The following SLC9C1 variants were observed in gnomAD, a reference collection of about 807,000 sequenced individuals.
The protein encoded by SLC9C1 is sodium/hydrogen exchanger 10.
SLC9C1 carries 97 observed loss-of-function variants against 140.9 expected under a neutral mutation model. That is an observed-to-expected ratio of 0.69 (90% CI 0.58 to 0.82). The LOEUF (loss-of-function observed/expected upper bound fraction) is 0.82. Ranked by LOEUF, SLC9C1 falls within the 40% of genes least tolerant of loss-of-function variation. The pLI is 0.00. For synonymous variants in SLC9C1, 440 were observed against 442.6 expected, an observed-to-expected ratio of 0.99 and a Z score of 0.07; for missense variants, 1,340 against 1,389.3, an observed-to-expected ratio of 0.96 and a Z score of 0.56.
intron 10 of SLC9C1, among the ~76,000 whole-genome samples, chr3:112,253,574 T>G (rs1220888820): frequency 6.6e-6 from 1 of 152,154 alleles, no homozygotes; most frequent in Non-Finnish European, 1.5e-5. Flanking sequence ...AAATAAAGAC[T>G]CTGCAGAAAG....
chr3:112,253,322 C>T (rs556085863), intron 10 of SLC9C1, among the ~76,000 whole-genome samples: 3 of 152,208 alleles, frequency 2.0e-5, no homozygotes, highest in African/African-American at 7.2e-5. Context: ...CCTTGGAGTG[C>T]CAATTTGTGA....
At chr3:112,151,686 G>A (rs1161278662) in intron 28 of SLC9C1, among the ~76,000 whole-genome samples, 171 bp downstream of exon 28, 4 of 152,230 alleles carry the variant, frequency 2.6e-5, no homozygotes, top group Admixed American at 2.6e-4. Context: ...TTATTTTGAA[G>A]TTAATTCTCT....
At chr3:112,166,842 G>T (rs778101141) in intron 26 of SLC9C1, among the ~76,000 whole-genome samples, 4 of 152,060 alleles carry the variant, frequency 2.6e-5, no homozygotes, top group Admixed American at 2.6e-4. Flanking sequence ...TCTGTAAGAA[G>T]AATAGGCTTT....
intron 12 of SLC9C1, among the ~76,000 whole-genome samples, chr3:112,237,373 T>A (rs1315613142): frequency 6.6e-6 from 1 of 152,192 alleles, no homozygotes; most frequent in East Asian, 1.9e-4. Flanking sequence ...ATGGGTTTCC[T>A]GAATACAGCA....
intron 23 of SLC9C1, among the ~76,000 whole-genome samples, chr3:112,176,723 C>T (rs573905846): frequency 6.6e-6 from 1 of 152,256 alleles, no homozygotes; most frequent in East Asian, 1.9e-4. Context: ...CTTGTATAGG[C>T]TGGGTTTTAC....
chr3:112,188,221 T>C (rs1476060842), intron 20 of SLC9C1, among the ~76,000 whole-genome samples: 1 of 152,142 alleles, frequency 6.6e-6, no homozygotes, highest in Non-Finnish European at 1.5e-5. Context: ...AAGGTATGCA[T>C]TTTTAAAGTT....
chr3:112,164,980 C>CT (rs2077091349), intron 26 of SLC9C1, among the ~76,000 whole-genome samples: 3 of 152,228 alleles, frequency 2.0e-5, no homozygotes, highest in African/African-American at 7.2e-5. Context: ...TCTTTTTATT[C>CT]TTTTTTCTCT....
chr3:112,201,453 G>A (rs1351622806), intron 18 of SLC9C1, among the ~76,000 whole-genome samples: 1 of 151,996 alleles, frequency 6.6e-6, no homozygotes, highest in Non-Finnish European at 1.5e-5. Context: ...ACTACTTTTT[G>A]TGTTCTACCA....
chr3:112,288,109 T>C (rs28497078), intron 1 of SLC9C1, among the ~76,000 whole-genome samples: 1,599 of 151,078 alleles, frequency 0.011, 30 homozygotes, highest in African/African-American at 0.036. Context: ...CCTGGCAAAT[T>C]TTTTTTTCAG....
chr3:112,206,410 G>T (rs1193798206), intron 16 of SLC9C1, among the ~76,000 whole-genome samples: 1 of 152,120 alleles, frequency 6.6e-6, no homozygotes, highest in Non-Finnish European at 1.5e-5. Context: ...GTAGAAACTA[G>T]TTCAACCATT....
chr3:112,209,363 C>T (rs1489520307), intron 15 of SLC9C1, among the ~76,000 whole-genome samples: 2 of 152,176 alleles, frequency 1.3e-5, no homozygotes, highest in East Asian at 3.9e-4. Flanking sequence ...GTCCTCTCTC[C>T]AGTCTGCTTT....
intron 20 of SLC9C1, among the ~76,000 whole-genome samples, chr3:112,182,487 TG>T (rs2107962176): frequency 6.6e-6 from 1 of 152,292 alleles, no homozygotes; most frequent in African/African-American, 2.4e-5. Flanking sequence ...ATTTGTTACA[TG>T]GGTAAGTTGC....
At chr3:112,180,978 A>T (rs913623777) in intron 21 of SLC9C1, among the ~76,000 whole-genome samples, 9 of 151,848 alleles carry the variant, frequency 5.9e-5, no homozygotes, top group Non-Finnish European at 1.3e-4. Flanking sequence ...CTGGTCTCAG[A>T]CTCCTGACCT....
chr3:112,222,454 C>T (rs1309721731), intron 13 of SLC9C1, among the ~76,000 whole-genome samples: 1 of 152,020 alleles, frequency 6.6e-6, no homozygotes. Context: ...CACAATAGCA[C>T]AAAATCAATG....
At chr3:112,233,050 C>CAT (rs1226398851) in intron 12 of SLC9C1, among the ~76,000 whole-genome samples, 2,214 of 86,564 alleles carry the variant, frequency 0.026, 59 homozygotes, top group African/African-American at 0.075. Context: ...CACACACACA[C>CAT]ATATATATAT....
chr3:112,203,116 C>T (rs981578617), intron 17 of SLC9C1, among the ~76,000 whole-genome samples: 1 of 152,014 alleles, frequency 6.6e-6, no homozygotes, highest in Non-Finnish European at 1.5e-5. Context: ...TACCATATAA[C>T]ATTTCAATAT....
intron 26 of SLC9C1, among the ~76,000 whole-genome samples, chr3:112,162,721 T>A (rs1244758644): frequency 6.6e-6 from 1 of 150,940 alleles, no homozygotes; most frequent in East Asian, 1.9e-4. Flanking sequence ...AGGATATTGG[T>A]CTAAAATTCT....
At chr3:112,222,874 C>T (rs1325217463) in intron 13 of SLC9C1, among the ~76,000 whole-genome samples, 1 of 152,052 alleles carries the variant, frequency 6.6e-6, no homozygotes, top group African/African-American at 2.4e-5. Flanking sequence ...GCATAAAAAT[C>T]ATTCCTTTGT....
intron 10 of SLC9C1, among the ~76,000 whole-genome samples, chr3:112,257,955 T>C (rs1196267270): frequency 6.6e-6 from 1 of 152,168 alleles, no homozygotes; most frequent in Non-Finnish European, 1.5e-5. Context: ...CTCAGTATCA[T>C]TGATCATTAG....
Sources: allele counts gnomAD v4.1 joint callset (sites outside exome capture counted in the v4.1 genomes callset), GRCh38; gene constraint gnomAD v4.1.1; transcripts MANE v1.5; gene names NCBI Gene and HGNC (gene_info 2026-07-23, HGNC 2026-07-21).